Variants in GLIS1 observed in about 807,000 individuals in gnomAD.
The protein encoded by GLIS1 is GLIS family zinc finger 1.
GLIS1 carries 24 observed loss-of-function variants against 63.8 expected under a neutral mutation model. The observed-to-expected ratio is 0.38, with a 90% CI of 0.27 to 0.53. The LOEUF is 0.53. GLIS1 is among the 20% of genes least tolerant of loss of function. The probability of loss-of-function intolerance (pLI) is 0.85; values close to 1 mark genes in which losing one functional copy is unlikely to be tolerated. For missense variants in GLIS1, 1,036 were observed against 1,074.1 expected, an observed-to-expected ratio of 0.96 and a Z score of 0.50; for synonymous variants, 450 against 482.5, an observed-to-expected ratio of 0.93 and a Z score of 0.88.
intron 2 of GLIS1, among the ~76,000 whole-genome samples, chr1:53,624,967 C>G (rs1645580356): frequency 6.6e-6 from 1 of 152,006 alleles, no homozygotes; most frequent in Non-Finnish European, 1.5e-5. Flanking sequence ...AAAATAAAAC[C>G]AGGGGGCAAT....
intron 4 of GLIS1, among the ~76,000 whole-genome samples, chr1:53,570,764 C>T (rs1644976836): frequency 6.6e-6 from 1 of 152,126 alleles, no homozygotes; most frequent in African/African-American, 2.4e-5. Flanking sequence ...GCTGGATATC[C>T]AGCTGGAAAC....
At chr1:53,556,726 G>GATGTGTGTGTTCGT (rs1644837683) in intron 4 of GLIS1, among the ~76,000 whole-genome samples, 1 of 148,430 alleles carries the variant, frequency 6.7e-6, no homozygotes. Flanking sequence ...TTTGTGTGCA[G>GATGTGTGTGTTCGT]GTGTACTGGA....
chr1:53,570,119 T>C (rs1403144352), intron 4 of GLIS1, among the ~76,000 whole-genome samples: 1 of 152,102 alleles, frequency 6.6e-6, no homozygotes, highest in Non-Finnish European at 1.5e-5. Context: ...CTCTTTCTTT[T>C]TTTATTATTT....
At chr1:53,720,306 T>C (rs1476332817) in intron 2 of GLIS1, among the ~76,000 whole-genome samples, 1 of 152,194 alleles carries the variant, frequency 6.6e-6, no homozygotes. Context: ...AAATACACTA[T>C]AGAATATTAT....
At chr1:53,507,623 T>G (rs919179102) in intron 10 of GLIS1, among the ~76,000 whole-genome samples, 1 of 152,240 alleles carries the variant, frequency 6.6e-6, no homozygotes, top group African/African-American at 2.4e-5. Context: ...CTGCAGCCCC[T>G]GAAGCTTGTC....
At chr1:53,593,443 G>GTGCATGCATGTGTGTGTGCACA (rs1645212911) in intron 4 of GLIS1, among the ~76,000 whole-genome samples, 2 of 152,230 alleles carry the variant, frequency 1.3e-5, no homozygotes, top group African/African-American at 4.8e-5. Context: ...GTGTGTGCAC[G>GTGCATGCATGTGTGTGTGCACA]CGTGCATGCA....
intron 4 of GLIS1, 52 bp downstream of exon 4, chr1:53,594,056 G>T: frequency 6.4e-7 from 1 of 1,555,194 alleles, no homozygotes. Context: ...TGGGGTGAGT[G>T]CTGCTCTGCC....
intron 2 of GLIS1, among the ~76,000 whole-genome samples, chr1:53,622,396 T>C (rs1018843938): frequency 4.3e-5 from 6 of 139,618 alleles, no homozygotes; most frequent in African/African-American, 1.4e-4. Context: ...CCACTGCAAC[T>C]CTACCTGGAC....
At chr1:53,694,406 G>A (rs887696012) in intron 2 of GLIS1, among the ~76,000 whole-genome samples, 15 of 152,158 alleles carry the variant, frequency 9.9e-5, no homozygotes, top group Admixed American at 6.5e-4. Context: ...TCTGCGAGCC[G>A]GCTGGCCCTG....
intron 4 of GLIS1, among the ~76,000 whole-genome samples, chr1:53,546,450 G>C (rs1038516658): frequency 6.6e-6 from 1 of 152,238 alleles, no homozygotes; most frequent in Non-Finnish European, 1.5e-5. Flanking sequence ...AGGAAGACCA[G>C]GTTCAAGTCC....
intron 4 of GLIS1, among the ~76,000 whole-genome samples, chr1:53,568,529 A>G (rs1644955514): frequency 6.6e-6 from 1 of 152,034 alleles, no homozygotes; most frequent in African/African-American, 2.4e-5. Context: ...GAGATTTGGG[A>G]GGTGCAGGGG....
At chr1:53,662,140 C>A (rs921957147) in intron 2 of GLIS1, among the ~76,000 whole-genome samples, 14 of 152,222 alleles carry the variant, frequency 9.2e-5, no homozygotes, top group African/African-American at 3.4e-4. Flanking sequence ...GCCTCACAAG[C>A]TGGAAGACCC....
At chr1:53,666,357 G>T (rs1161571409) in intron 2 of GLIS1, among the ~76,000 whole-genome samples, 1 of 152,158 alleles carries the variant, frequency 6.6e-6, no homozygotes, top group Non-Finnish European at 1.5e-5. Flanking sequence ...GCATTTGCTG[G>T]TCTGGCTGAC....
At chr1:53,524,967 A>G in intron 5 of GLIS1, 80 bp from the exon 6 acceptor site, 1 of 1,057,880 alleles carries the variant, frequency 9.5e-7, no homozygotes, top group Non-Finnish European at 1.4e-6. Context: ...TGCTGTGGGG[A>G]GGTGACCAGG....
chr1:53,531,918 T>C (rs1644534881), intron 4 of GLIS1, among the ~76,000 whole-genome samples: 1 of 152,048 alleles, frequency 6.6e-6, no homozygotes. Flanking sequence ...CCAAAGAAGA[T>C]AGTGGGGTGA....
At chr1:53,738,307 C>T (rs1234989106) in intron 1 of GLIS1, among the ~76,000 whole-genome samples, 1 of 152,204 alleles carries the variant, frequency 6.6e-6, no homozygotes, top group African/African-American at 2.4e-5. Context: ...GCGGTTCGCC[C>T]TTCCCTGGTG....
intron 6 of GLIS1, among the ~76,000 whole-genome samples, chr1:53,524,573 T>G: frequency 1.3e-5 from 2 of 149,294 alleles, no homozygotes; most frequent in Non-Finnish European, 3.0e-5. Flanking sequence ...CAGCTGGGGG[T>G]GTGGAAGGAA....
At chr1:53,642,082 A>C (rs1645793090) in intron 2 of GLIS1, among the ~76,000 whole-genome samples, 1 of 152,216 alleles carries the variant, frequency 6.6e-6, no homozygotes, top group Non-Finnish European at 1.5e-5. Flanking sequence ...AGGACACCTC[A>C]GTGGTCCAGC....
chr1:53,615,840 T>C (rs1016109430), intron 2 of GLIS1, among the ~76,000 whole-genome samples: 1 of 151,972 alleles, frequency 6.6e-6, no homozygotes, highest in Non-Finnish European at 1.5e-5. Context: ...CTCCACCTCC[T>C]GGATTCAAGC....
Sources: allele counts gnomAD v4.1 joint callset (sites outside exome capture counted in the v4.1 genomes callset), GRCh38; gene constraint gnomAD v4.1.1; transcripts MANE v1.5; gene names NCBI Gene and HGNC (gene_info 2026-07-23, HGNC 2026-07-21).